KCNH7: variants seen among roughly 807,000 people sequenced by gnomAD.
KCNH7 encodes the protein potassium voltage-gated channel subfamily H member 7.
In KCNH7, 49 loss-of-function variants were observed where a neutral mutation model predicts 120.8. That is an observed-to-expected ratio of 0.41 (90% CI 0.32 to 0.51). The LOEUF is 0.51. Ranked by LOEUF, KCNH7 falls within the 20% of genes least tolerant of loss-of-function variation. The pLI, the probability that KCNH7 is intolerant of heterozygous loss-of-function variation, is 0.38. For synonymous variants in KCNH7, 547 were observed against 516.1 expected (o/e 1.06, Z -0.81); for missense variants, 1,097 against 1,446.6 (o/e 0.76, Z 3.92).
intron 2 of KCNH7, among the ~76,000 whole-genome samples, chr2:162,558,228 A>G (rs909501672): frequency 1.3e-5 from 2 of 151,376 alleles, no homozygotes; most frequent in African/African-American, 4.9e-5. Flanking sequence ...AGGCTGGAGT[A>G]CAGTGGCACG....
chr2:162,553,074 ATTTTTCT>A (rs1437625674), intron 2 of KCNH7, among the ~76,000 whole-genome samples: 1 of 152,182 alleles, frequency 6.6e-6, no homozygotes, highest in South Asian at 2.1e-4. Flanking sequence ...TACTTCTGGA[ATTTTTCT>A]TATCTGACAT....
chr2:162,519,014 A>C (rs1691424295), intron 3 of KCNH7, among the ~76,000 whole-genome samples: 1 of 151,740 alleles, frequency 6.6e-6, no homozygotes, highest in African/African-American at 2.4e-5. Context: ...AAAAACTGCA[A>C]AGTAATACAA....
chr2:162,420,705 G>A (rs372318732), intron 9 of KCNH7, among the ~76,000 whole-genome samples: 11 of 152,162 alleles, frequency 7.2e-5, no homozygotes, highest in African/African-American at 2.4e-4. Flanking sequence ...TGAATATCTC[G>A]TACTTCATTT....
intron 2 of KCNH7, among the ~76,000 whole-genome samples, chr2:162,592,574 C>T (rs1406185303): frequency 6.6e-6 from 1 of 151,942 alleles, no homozygotes. Flanking sequence ...TGATCTGGCT[C>T]AAAGAAGCCA....
chr2:162,485,485 A>G (rs1214286827), intron 6 of KCNH7, among the ~76,000 whole-genome samples: 1 of 152,178 alleles, frequency 6.6e-6, no homozygotes, highest in Admixed American at 6.5e-5. Flanking sequence ...TTTATACTGA[A>G]CTCTCATACT....
At chr2:162,417,279 C>T (rs1687569498) in intron 9 of KCNH7, among the ~76,000 whole-genome samples, 1 of 152,082 alleles carries the variant, frequency 6.6e-6, no homozygotes, top group South Asian at 2.1e-4. Flanking sequence ...AATCATATTT[C>T]CAAAGAATCT....
intron 2 of KCNH7, among the ~76,000 whole-genome samples, chr2:162,764,555 G>T (rs193038032): frequency 1.3e-5 from 2 of 152,142 alleles, no homozygotes; most frequent in African/African-American, 2.4e-5. Context: ...GTATAGAATA[G>T]ACTTATTTTT....
chr2:162,746,561 A>G (rs1351847042), intron 2 of KCNH7, among the ~76,000 whole-genome samples: 2 of 152,120 alleles, frequency 1.3e-5, no homozygotes, highest in African/African-American at 4.8e-5. Context: ...CTGACATAAT[A>G]AATCACACTT....
chr2:162,445,014 C>A (rs1438307242), intron 7 of KCNH7, among the ~76,000 whole-genome samples: 1 of 152,004 alleles, frequency 6.6e-6, no homozygotes, highest in East Asian at 1.9e-4. Flanking sequence ...TTGTAGAACC[C>A]AGGAAAAATG....
chr2:162,513,263 T>TTCCTTCCC lies in KCNH7; in HGVS notation c.893-597_893-590dup, dbSNP rs1164137176. 3.5e-3 allele frequency among the ~76,000 whole-genome samples: 454 copies of TTCCTTCCC among 129,112 alleles called. 3 individuals are homozygous for TTCCTTCCC. The highest frequency in any genetic ancestry group is 0.011 in the African/African-American group (417 of 36,524). The allele number at this position is 129,112 out of a possible 152,430, so 84.7% of individuals were successfully genotyped here. ...CTTTCTCCCTTCCCTCTTTCCCTCC[T>TTCCTTCCC]TCCTTCCCTCCTTCCCTCCTTCCCT... is the stretch of plus-strand genomic sequence containing the variant. On this transcript the variant is annotated intron_variant, in intron 4 of 15. Coordinates refer to ENST00000332142, the MANE Select transcript of KCNH7 (RefSeq NM_033272.4).
chr2:162,756,132 T>C (rs1688781916), intron 2 of KCNH7, among the ~76,000 whole-genome samples: 1 of 152,178 alleles, frequency 6.6e-6, no homozygotes, highest in South Asian at 2.1e-4. Context: ...GACATACTAG[T>C]TTTATTATTC....
chr2:162,822,409 A>G (rs1685150080), intron 2 of KCNH7, among the ~76,000 whole-genome samples: 1 of 152,154 alleles, frequency 6.6e-6, no homozygotes, highest in South Asian at 2.1e-4. Flanking sequence ...TATTATAATC[A>G]TATTTCCATT....
At chr2:162,508,152 T>A (rs576488922) in intron 5 of KCNH7, among the ~76,000 whole-genome samples, 1 of 151,670 alleles carries the variant, frequency 6.6e-6, no homozygotes, top group East Asian at 1.9e-4. Context: ...GATAGGAAAA[T>A]GAGTATAACA....
At chr2:162,421,172 G>T (rs1242039486) in intron 9 of KCNH7, among the ~76,000 whole-genome samples, 1 of 152,040 alleles carries the variant, frequency 6.6e-6, no homozygotes, top group Non-Finnish European at 1.5e-5. Context: ...AAGACTCAGC[G>T]GCACATGGTT....
rs148727840 is a variant in KCNH7, at chr2:162,747,769, CTCA to C, written c.307+88765_307+88767del. Among the ~76,000 whole-genome samples the C allele has an allele frequency of 6.8e-3, 1,031 of 152,292 alleles. 28 individuals carry two copies. In the East Asian group the frequency reaches 0.11, roughly 16 times the overall value. On this transcript the variant is annotated intron_variant, in intron 2 of 15. Transcript: ENST00000332142. ...CTATTATAGAATGGAATCCTCGATA[CTCA>C]TATGCACCCAATACTTATATAACAT...
At chr2:162,772,228 C>T (rs1321727784) in intron 2 of KCNH7, among the ~76,000 whole-genome samples, 1 of 152,082 alleles carries the variant, frequency 6.6e-6, no homozygotes, top group Non-Finnish European at 1.5e-5. Context: ...TGAGGACAGA[C>T]CATGAGGTCC....
At chr2:162,602,018 T>C (rs985230671) in intron 2 of KCNH7, among the ~76,000 whole-genome samples, 1 of 152,052 alleles carries the variant, frequency 6.6e-6, no homozygotes, top group African/African-American at 2.4e-5. Flanking sequence ...AAATGTCCTT[T>C]TGGATATTAG....
At position 162,517,725 on chromosome 2, in the gene KCNH7, C is replaced by A. The variant is rs1477641805; in HGVS notation, c.892+5G>T. The A allele has an allele frequency of 6.5e-7, 1 of 1,544,468 alleles. No individual in the cohort carries two copies. Among genetic ancestry groups the A allele is most frequent in the South Asian group, 1.2e-5 (1 of 80,660 alleles). ...TGTTTCCATTTAAAAAAAAATCAAA[C>A]ATACCTTCGCTGGCATGTCGGTCTC... is the stretch of plus-strand genomic sequence containing the variant. On this transcript the variant is annotated splice_donor_5th_base_variant and intron_variant, in intron 4 of 15. Transcript: ENST00000332142.
At chr2:162,804,572 A>G (rs1684467052) in intron 2 of KCNH7, among the ~76,000 whole-genome samples, 1 of 152,094 alleles carries the variant, frequency 6.6e-6, no homozygotes. Context: ...GTAGAACTAC[A>G]AAGCACTGCT....
Sources: gnomAD v4.1 joint callset for allele counts (sites outside exome capture counted in the v4.1 genomes callset) on GRCh38, gnomAD v4.1.1 for gene constraint, MANE v1.5 for transcripts, NCBI Gene and HGNC (gene_info 2026-07-23, HGNC 2026-07-21) for gene names.